Variants in DIP2A observed in about 807,000 individuals in gnomAD.
DIP2A encodes disco-interacting protein 2 homolog A.
Under a neutral mutation model 177.4 loss-of-function variants are expected in DIP2A, and 85 were observed. The observed-to-expected ratio is 0.48, with a 90% confidence interval of 0.40 to 0.57. DIP2A has a LOEUF of 0.57. Among genes scored for constraint, DIP2A ranks in the 20% least tolerant of loss-of-function variants. The pLI, the probability that DIP2A is intolerant of heterozygous loss-of-function variation, is 0.00. For missense variants in DIP2A, 1,791 were observed against 2,100.2 expected (o/e 0.85, Z 2.88); for synonymous variants, 886 against 881.8 (o/e 1.00, Z -0.08).
intron 8 of DIP2A, among the ~76,000 whole-genome samples, chr21:46,527,854 G>T (rs759014010): frequency 1.3e-5 from 2 of 152,084 alleles, no homozygotes; most frequent in Non-Finnish European, 2.9e-5. Flanking sequence ...CTTCAAGTGT[G>T]GGGGGTTAGA....
intron 22 of DIP2A, 49 bp downstream of exon 22, chr21:46,549,934 A>G (rs778088010): frequency 1.2e-6 from 2 of 1,600,960 alleles, no homozygotes; most frequent in African/African-American, 1.3e-5. Context: ...CCAAGCTGGC[A>G]CCCCCACTCC....
At chr21:46,564,712 G>T (rs541601247) in intron 35 of DIP2A, among the ~76,000 whole-genome samples, 1 of 152,190 alleles carries the variant, frequency 6.6e-6, no homozygotes, top group Admixed American at 6.5e-5. Context: ...CCAGCAAGCC[G>T]TGCCCAGAGG....
rs373635982 is a variant in DIP2A at position 46,556,906 on chromosome 21, CT to C, written c.3499-22del. ...CTCTCCCCTCCTGAATTTCATTTCACTTTTTTTTTTTGAACTTTATTTTACT... is the reference window on the plus strand; with the variant it reads ...CTCTCCCCTCCTGAATTTCATTTCACTTTTTTTTTTGAACTTTATTTTACT... On this transcript the variant is annotated intron_variant, in intron 29 of 37. Coordinates refer to ENST00000417564, the MANE Select transcript of DIP2A (RefSeq NM_015151.4). This position sits in a 1 kb window ranked among gnomAD's most constrained non-coding sequence, Gnocchi z 4.5. The C allele has an allele frequency of 0.019, 18,617 of 1,001,438 alleles. No homozygotes were observed. Among genetic ancestry groups the C allele is most frequent in the South Asian group, 0.042 (2,364 of 55,828 alleles). The allele number at this position is 1,001,438 out of a possible 1,614,324, so 62.0% of individuals were successfully genotyped here. A position where few individuals can be genotyped will look rare whatever the true frequency, so the allele number is the denominator to read the frequency against.
rs779323256 is a variant in DIP2A, at chr21:46,537,503, C to T, written c.1765C>T (p.Pro589Ser). Residue 589 changes from proline (P) to serine (S), a missense_variant, in exon 15 of 38, where the codon CCA (proline) becomes TCA (serine). By Grantham distance (74) the Pro-to-Ser change is moderately conservative. Coordinates refer to ENST00000417564, the MANE Select transcript of DIP2A (RefSeq NM_015151.4). The surrounding 1 kb of genome is among the most constrained non-coding windows in gnomAD (Gnocchi z 4.1). Reference sequence around the variant, plus strand: ...CCCCTACGCGCTGATGAAGGCGAACCCACTCTCCTGGATCCAGAAAGTGTG... The same window carrying T: ...CCCCTACGCGCTGATGAAGGCGAACTCACTCTCCTGGATCCAGAAAGTGTG... ...SVPYALMKAN[P>S]LSWIQKVCFY... is the part of the protein sequence containing the mutation. 33 of 1,614,032 alleles carry T rather than the reference C, an allele frequency of 2.0e-5. No individual in the cohort carries two copies. The highest frequency in any genetic ancestry group is 4.0e-5 in the African/African-American group (3 of 74,904).
chr21:46,481,177 G>A (rs1355302287), intron 1 of DIP2A, among the ~76,000 whole-genome samples: 1 of 152,102 alleles, frequency 6.6e-6, no homozygotes, highest in Non-Finnish European at 1.5e-5. Flanking sequence ...ATCCTTATGG[G>A]TTTATCTTTT....
Position 46,465,172 on chromosome 21 carries a change from CCT to C in DIP2A, c.91+5953_91+5954del, listed in dbSNP as rs200495056. 1.2e-3 allele frequency among the ~76,000 whole-genome samples: 180 copies of C among 152,160 alleles called. 4 individuals carry two copies. The East Asian group carries it at 0.031, about 26-fold the overall frequency. On this transcript the variant is annotated intron_variant, in intron 1 of 37. Coordinates refer to ENST00000417564, the MANE Select transcript of DIP2A (RefSeq NM_015151.4). ...CTCAGAACTTCCATATCATTTGTCC[CCT>C]CTTTTGGAGTTCTTGCTGCTTTTTG...
chr21:46,491,132 A>G (rs2034693610), intron 3 of DIP2A, among the ~76,000 whole-genome samples: 2 of 152,284 alleles, frequency 1.3e-5, no homozygotes, highest in Non-Finnish European at 2.9e-5. Context: ...TTTCCTTCCA[A>G]TTAGATTTCT....
chr21:46,541,720 C>A, intron 17 of DIP2A, 36 bp from the exon 18 acceptor site: 1 of 1,612,514 alleles, frequency 6.2e-7, no homozygotes, highest in African/African-American at 1.3e-5. Context: ...TTTCATCCCC[C>A]TCGTCAGTTA....
chr21:46,550,033 A>G, intron 22 of DIP2A, 148 bp downstream of exon 22: 2 of 1,474,228 alleles, frequency 1.4e-6, no homozygotes, highest in Admixed American at 2.5e-5. Context: ...AAATTGACAA[A>G]TTACAGCTGT....
In DIP2A at chr21:46,556,507, C is replaced by T. The variant is rs2060473408; in HGVS notation, c.3498+416C>T. 1 of 609,288 alleles carries T rather than the reference C, an allele frequency of 1.6e-6. No homozygotes were observed. The allele number at this position is 609,288 out of a possible 1,614,324, so 37.7% of individuals were successfully genotyped here. A position where few individuals can be genotyped will look rare whatever the true frequency, so the allele number is the denominator to read the frequency against. On this transcript the variant is annotated intron_variant, in intron 29 of 37. Transcript: ENST00000417564. This position sits in a 1 kb window ranked among gnomAD's most constrained non-coding sequence, Gnocchi z 4.5. ...GACCATCCTGGCCAACGTGGTGAAACCCCGTCTCTACTAAAAATACAAAAA... is the reference window on the plus strand; with the variant it reads ...GACCATCCTGGCCAACGTGGTGAAATCCCGTCTCTACTAAAAATACAAAAA...
rs556709619 is a variant in DIP2A, at chr21:46,550,417, G to C, written c.2638-126G>C. 4.6e-6 allele frequency: 4 copies of C among 862,530 alleles called. No homozygotes were observed. In the African/African-American group the frequency reaches 5.1e-5, roughly 11 times the overall value. 53.4% of individuals were successfully genotyped at this position (862,530 alleles called of 1,614,324 possible). ...ATCTTGTTTCCTCATTTAACAAAGT[G>C]TCCAGAGGGCATTCCATTTCCTGGC... is the stretch of plus-strand genomic sequence containing the variant. On this transcript the variant is annotated intron_variant, in intron 22 of 37. Coordinates refer to ENST00000417564, the MANE Select transcript of DIP2A (RefSeq NM_015151.4).
At chr21:46,504,229 T>C in intron 5 of DIP2A, 132 bp from the exon 6 acceptor site, 1 of 1,283,164 alleles carries the variant, frequency 7.8e-7, no homozygotes, top group Middle Eastern at 1.8e-4. Flanking sequence ...GAAAACAAAT[T>C]AATGAAAATA....
chr21:46,555,986 C>T lies in DIP2A; in HGVS notation c.3393C>T (p.Asp1131=). Residue 1131 remains aspartate (D), a synonymous_variant, in exon 29 of 38, where the codon GAC becomes GAT. Transcript: ENST00000417564. ...RTWPTILDTD[D]IPKKKIASVF... ...CTGGTGTCTCCTGTTTAACAGATGA[C>T]ATCCCAAAAAAGAAGATAGCAAGCG... The T allele has an allele frequency of 6.2e-7, 1 of 1,612,546 alleles. No homozygotes were observed. The highest frequency in any genetic ancestry group is 1.1e-5 in the South Asian group (1 of 91,060).
chr21:46,471,436 C>T (rs766316086), intron 1 of DIP2A, among the ~76,000 whole-genome samples: 35 of 152,290 alleles, frequency 2.3e-4, no homozygotes, highest in African/African-American at 3.4e-4. Flanking sequence ...TACAGCCTCC[C>T]GCATTATCAG....
Position 46,538,648 on chromosome 21 carries a change from T to C in DIP2A, c.1921+46T>C, listed in dbSNP as rs1224674337. On this transcript the variant is annotated intron_variant, in intron 16 of 37. Coordinates refer to ENST00000417564, the MANE Select transcript of DIP2A (RefSeq NM_015151.4). ...GGCGCATACCCCACACAGTGTCCCCTCCTGCAAACCAAAGTAGAATACACT... is the reference window on the plus strand; with the variant it reads ...GGCGCATACCCCACACAGTGTCCCCCCCTGCAAACCAAAGTAGAATACACT... 3 of 1,538,032 alleles carry C rather than the reference T, an allele frequency of 2.0e-6. No homozygotes were observed. In the African/African-American group the frequency reaches 4.1e-5, roughly 21 times the overall value.
In DIP2A at chr21:46,556,256, G is replaced by T; in HGVS notation, c.3498+165G>T. On this transcript the variant is annotated intron_variant, in intron 29 of 37. Transcript: ENST00000417564. This position sits in a 1 kb window ranked among gnomAD's most constrained non-coding sequence, Gnocchi z 4.5. ...GTTAAATACCAATAAATGCTAAGAT[G>T]TGATTAGCCTGAGAGTAATGCGTTT... The T allele has an allele frequency of 2.1e-6, 3 of 1,438,552 alleles. No individual in the cohort carries two copies. In the South Asian group the frequency reaches 3.7e-5, roughly 18 times the overall value. 89.1% of individuals were successfully genotyped at this position (1,438,552 alleles called of 1,614,324 possible).
intron 3 of DIP2A, among the ~76,000 whole-genome samples, chr21:46,491,064 G>A (rs1311337620): frequency 1.3e-5 from 2 of 152,052 alleles, no homozygotes; most frequent in Non-Finnish European, 2.9e-5. Context: ...TGTGCTTTAT[G>A]GAGCAGCTTT....
At position 46,528,527 on chromosome 21, in the gene DIP2A, C is replaced by CTTTTTTTTTTTTTTTTTTTTTTTT. The variant is rs1162872343; in HGVS notation, c.1103-547_1103-524dup. 1.0e-4 allele frequency among the ~76,000 whole-genome samples: 3 copies of CTTTTTTTTTTTTTTTTTTTTTTTT among 29,408 alleles called. 1 individual carries two copies. Among genetic ancestry groups the CTTTTTTTTTTTTTTTTTTTTTTTT allele is most frequent in the Non-Finnish European group, 1.7e-4 (3 of 17,978 alleles). 19.3% of individuals were successfully genotyped at this position (29,408 alleles called of 152,430 possible). ...ACCAAATACTGACTTTTTCTGCTTG[C>CTTTTTTTTTTTTTTTTTTTTTTTT]TTTTTTTTTTTTTTTTTTTTTTTTT... is the stretch of plus-strand genomic sequence containing the variant. On this transcript the variant is annotated intron_variant, in intron 8 of 37. Coordinates refer to ENST00000417564, the MANE Select transcript of DIP2A (RefSeq NM_015151.4).
chr21:46,491,016 T>A (rs1472074893), intron 3 of DIP2A, among the ~76,000 whole-genome samples: 1 of 152,246 alleles, frequency 6.6e-6, no homozygotes, highest in Admixed American at 6.5e-5. Flanking sequence ...TTAAAACTTT[T>A]GTACACTTTT....
Sources: allele counts gnomAD v4.1 joint callset (sites outside exome capture counted in the v4.1 genomes callset), GRCh38; gene constraint gnomAD v4.1.1; non-coding constraint Gnocchi (gnomAD v3.1); transcripts MANE v1.5; gene names NCBI Gene and HGNC (gene_info 2026-07-23, HGNC 2026-07-21).